Variants in BAZ2B observed in about 807,000 individuals in gnomAD.
BAZ2B encodes bromodomain adjacent to zinc finger domain 2B.
A neutral mutation model predicts 246.0 loss-of-function variants in BAZ2B; 91 were observed. The observed-to-expected ratio is 0.37, with a 90% CI of 0.31 to 0.44. The LOEUF is 0.44. Among genes scored for constraint, BAZ2B ranks in the 20% least tolerant of loss-of-function variants. BAZ2B has a pLI of 1.00. For missense variants in BAZ2B, 2,332 were observed against 2,533.7 expected (o/e 0.92, Z 1.71); for synonymous variants, 855 against 860.0 (o/e 0.99, Z 0.10).
intron 3 of BAZ2B, 147 bp downstream of exon 3, chr2:159,478,428 A>G: frequency 1.3e-6 from 1 of 794,480 alleles, no homozygotes; most frequent in East Asian, 3.1e-5. Context: ...AAAATCCTGA[A>G]AAAGCAAAAA....
intron 19 of BAZ2B, 21 bp downstream of exon 19, chr2:159,397,324 T>C (rs371089732): frequency 2.7e-6 from 4 of 1,488,148 alleles, no homozygotes; most frequent in African/African-American, 2.8e-5. Flanking sequence ...TCAACAATTG[T>C]ATAACTATAC....
chr2:159,641,397 C>T, the BAZ2B span, among the ~76,000 whole-genome samples: 19 of 152,212 alleles, frequency 1.2e-4, no homozygotes, highest in South Asian at 8.3e-4. Flanking sequence ...GTCCTTTGCC[C>T]GCTTTTTAGT....
At chr2:159,377,338 C>A (rs1459414747) in intron 25 of BAZ2B, among the ~76,000 whole-genome samples, 1 of 152,020 alleles carries the variant, frequency 6.6e-6, no homozygotes, top group African/African-American at 2.4e-5. Flanking sequence ...GATGTGTCTG[C>A]CAGTTCTTTA....
chr2:159,427,105 G>A (rs1204643236), intron 13 of BAZ2B, among the ~76,000 whole-genome samples: 1 of 152,062 alleles, frequency 6.6e-6, no homozygotes, highest in Non-Finnish European at 1.5e-5. Context: ...ATAACAAAGT[G>A]GATGGAAAAG....
intron 14 of BAZ2B, among the ~76,000 whole-genome samples, chr2:159,410,183 T>C (rs1229813961): frequency 6.6e-6 from 1 of 152,160 alleles, no homozygotes; most frequent in Non-Finnish European, 1.5e-5. Context: ...AATAGCTTAC[T>C]GACAATATCA....
At chr2:159,678,368 A>G in the BAZ2B span, among the ~76,000 whole-genome samples, 4 of 152,250 alleles carry the variant, frequency 2.6e-5, no homozygotes, top group African/African-American at 9.6e-5. Context: ...ATACAAATAC[A>G]AAATACTAAA....
At chr2:159,496,186 C>T (rs183583428) in intron 2 of BAZ2B, among the ~76,000 whole-genome samples, 5,970 of 149,122 alleles carry the variant, frequency 0.04, 161 homozygotes, top group Non-Finnish European at 0.061. Context: ...CCAGCCTGGC[C>T]AACATGGTGA....
At chr2:159,686,002 C>A in the BAZ2B span, among the ~76,000 whole-genome samples, 3 of 152,210 alleles carry the variant, frequency 2.0e-5, no homozygotes, top group Non-Finnish European at 4.4e-5. Flanking sequence ...TGGCCCCCAC[C>A]TGTAATCCCA....
At chr2:159,423,441 T>A (rs1464475674) in intron 13 of BAZ2B, among the ~76,000 whole-genome samples, 1 of 152,238 alleles carries the variant, frequency 6.6e-6, no homozygotes, top group Admixed American at 6.5e-5. Context: ...GTTTAGCCAC[T>A]GTGGAAAGGC....
chr2:159,697,420 A>G, the BAZ2B span, among the ~76,000 whole-genome samples: 16 of 152,230 alleles, frequency 1.1e-4, no homozygotes, highest in Non-Finnish European at 1.5e-5. Flanking sequence ...GTGATATCTA[A>G]TCAGAAATTA....
At chr2:159,608,353 C>G (rs1693989573) in intron 1 of BAZ2B, among the ~76,000 whole-genome samples, 1 of 152,166 alleles carries the variant, frequency 6.6e-6, no homozygotes, top group African/African-American at 2.4e-5. Flanking sequence ...CCAGCCTGGA[C>G]AACAGAGTGA....
chr2:159,682,191 C>CTTT, the BAZ2B span, among the ~76,000 whole-genome samples: 266 of 111,738 alleles, frequency 2.4e-3, 5 homozygotes, highest in East Asian at 8.7e-3. Context: ...TGCTCAGGCT[C>CTTT]TTTTTTTTTT....
intron 14 of BAZ2B, among the ~76,000 whole-genome samples, chr2:159,405,675 A>C (rs1215554445): frequency 6.6e-6 from 1 of 152,208 alleles, no homozygotes; most frequent in Non-Finnish European, 1.5e-5. Context: ...GGACTACATA[A>C]AAATGAGGTT....
rs2076447018 is a variant in BAZ2B, at chr2:159,461,895, T to C, written c.146-8094A>G. 3 of 152,884 alleles carry C rather than the reference T, an allele frequency of 2.0e-5. No individual in the cohort carries two copies. The Admixed American group carries it at 2.0e-4, about 10-fold the overall frequency. The allele number at this position is 152,884 out of a possible 1,614,324, so 9.5% of individuals were successfully genotyped here. ...ACTTTGGAAAATTACAGTTCTGCGATGCAATAAATGATGATCAAAGCAGTC... is the reference window on the plus strand; with the variant it reads ...ACTTTGGAAAATTACAGTTCTGCGACGCAATAAATGATGATCAAAGCAGTC... On this transcript the variant is annotated intron_variant, in intron 3 of 36. Coordinates refer to ENST00000392783, the MANE Select transcript of BAZ2B (RefSeq NM_013450.4).
the BAZ2B span, among the ~76,000 whole-genome samples, chr2:159,669,533 T>C: frequency 1.3e-5 from 2 of 152,174 alleles, no homozygotes; most frequent in African/African-American, 4.8e-5. Context: ...TGTTAAAATC[T>C]TCTACCATGA....
chr2:159,510,194 T>A (rs1400736113), intron 2 of BAZ2B, among the ~76,000 whole-genome samples: 2 of 152,084 alleles, frequency 1.3e-5, no homozygotes, highest in African/African-American at 2.4e-5. Flanking sequence ...ATTTTTAAAT[T>A]TTTTTTGAGA....
In BAZ2B at chr2:159,483,088, T is replaced by C. The variant is rs140312325; in HGVS notation, c.-2-4367A>G. On this transcript the variant is annotated intron_variant, in intron 2 of 36. Transcript: ENST00000392783. ...CTAGATATCACAGGATCACAACAAA[T>C]GGAGTATAATAACATGACCTCCCGT... Among the ~76,000 whole-genome samples, 1,005 of 152,306 alleles carry C rather than the reference T, an allele frequency of 6.6e-3. 8 individuals are homozygous for C. The highest frequency in any genetic ancestry group is 0.023 in the African/African-American group (957 of 41,568).
At chr2:159,339,606 ATATTTGTACTCC>A (rs1278275904) in intron 31 of BAZ2B, among the ~76,000 whole-genome samples, 1 of 152,228 alleles carries the variant, frequency 6.6e-6, no homozygotes, top group Admixed American at 6.5e-5. Flanking sequence ...TATGGAAGAG[ATATTTGTACTCC>A]TATATTTACT....
chr2:159,425,542 T>C (rs1301658966), intron 13 of BAZ2B, among the ~76,000 whole-genome samples: 2 of 152,160 alleles, frequency 1.3e-5, no homozygotes, highest in East Asian at 1.9e-4. Flanking sequence ...ATGCAAAAAA[T>C]GTAGAAAGCA....
Sources: allele counts gnomAD v4.1 joint callset (sites outside exome capture counted in the v4.1 genomes callset), GRCh38; gene constraint gnomAD v4.1.1; transcripts MANE v1.5; gene names NCBI Gene and HGNC (gene_info 2026-07-23, HGNC 2026-07-21).